TTC3: variants seen among roughly 807,000 people sequenced by gnomAD.
TTC3 encodes the protein tetratricopeptide repeat domain 3, also known as E3 ubiquitin-protein ligase TTC3.
In TTC3, 180 loss-of-function variants were observed where a neutral mutation model predicts 249.6. That is an observed-to-expected ratio of 0.72 (90% confidence interval 0.64 to 0.82). The LOEUF (loss-of-function observed/expected upper bound fraction) is 0.82, where lower values mean the gene tolerates loss of function less well. Ranked by LOEUF, TTC3 falls within the 40% of genes least tolerant of loss-of-function variation. The pLI, the probability that TTC3 is intolerant of heterozygous loss-of-function variation, is 0.00. For synonymous variants in TTC3, 717 were observed against 805.0 expected, an observed-to-expected ratio of 0.89 and a Z score of 1.85; for missense variants, 2,061 against 2,398.4, an observed-to-expected ratio of 0.86 and a Z score of 2.94.
At chr21:37,114,371 G>A (rs111338328) in intron 11 of TTC3, among the ~76,000 whole-genome samples, 5,938 of 152,154 alleles carry the variant, frequency 0.039, 332 homozygotes, top group African/African-American at 0.13. Flanking sequence ...AAAAGTGGGC[G>A]AAGGATATGA....
chr21:37,165,899 G>T lies in TTC3; in HGVS notation c.3685G>T (p.Ala1229Ser), dbSNP rs771714590. Residue 1229 changes from alanine to serine, a missense_variant, in exon 33 of 46, where the codon GCA (alanine) becomes TCA (serine). By Grantham distance (99) the Ala-to-Ser change is moderately conservative (BLOSUM62 1). This residue lies in a region of TTC3 where 1,040 missense variants were observed against 1,186.1 expected (regional missense o/e 0.88). Transcript: ENST00000355666. Reference sequence around the variant, plus strand: ...TAAACCAGTGTCAGATTCATCTTCAGCACCAGCTTTTGAAAATGTGAAACC... The same window carrying T: ...TAAACCAGTGTCAGATTCATCTTCATCACCAGCTTTTGAAAATGTGAAACC... 179 of 1,614,080 alleles carry T rather than the reference G, an allele frequency of 1.1e-4. No individual in the cohort carries two copies. The highest frequency in any genetic ancestry group is 1.5e-4 in the Non-Finnish European group (178 of 1,180,048).
chr21:37,197,476 C>G, intron 42 of TTC3, 94 bp from the exon 43 acceptor site: 1 of 1,459,232 alleles, frequency 6.9e-7, no homozygotes. Flanking sequence ...GTCTTTGTTT[C>G]TTTGGGTTGG....
chr21:37,200,258 A>G (rs76336018), exon 45 of TTC3: 1 of 1,614,226 alleles, frequency 6.2e-7, no homozygotes, highest in African/African-American at 1.3e-5. Flanking sequence ...CCTGTGAAAT[A>G]TGCCACGAGG....
chr21:37,099,406 G>T (rs943863652), intron 10 of TTC3, among the ~76,000 whole-genome samples: 1 of 152,178 alleles, frequency 6.6e-6, no homozygotes, highest in African/African-American at 2.4e-5. Flanking sequence ...GACACTAGGT[G>T]GATGTGATGG....
At chr21:37,153,731 A>G (rs2079713502) in intron 27 of TTC3, among the ~76,000 whole-genome samples, 1 of 152,136 alleles carries the variant, frequency 6.6e-6, no homozygotes, top group Admixed American at 6.5e-5. Context: ...ACTAGGCACA[A>G]CCATGGTAAA....
intron 19 of TTC3, among the ~76,000 whole-genome samples, chr21:37,139,867 A>G (rs983163260): frequency 6.6e-6 from 1 of 152,212 alleles, no homozygotes. Flanking sequence ...ATCAGAGGAC[A>G]GCCCTTGCTT....
intron 10 of TTC3, among the ~76,000 whole-genome samples, chr21:37,105,560 G>A (rs2075000616): frequency 6.6e-6 from 1 of 152,130 alleles, no homozygotes; most frequent in Admixed American, 6.5e-5. Flanking sequence ...CAAGTGTTAA[G>A]TGCAGCTGGA....
chr21:37,161,952 G>A (rs774565890), intron 30 of TTC3, 38 bp from the exon 31 acceptor site: 1 of 1,398,594 alleles, frequency 7.2e-7, no homozygotes, highest in Admixed American at 2.1e-5. Flanking sequence ...GAATTTTAAG[G>A]TAGAAAATCA....
intron 11 of TTC3, chr21:37,121,339 G>A (rs2076567749): frequency 6.5e-6 from 1 of 153,662 alleles, no homozygotes; most frequent in Non-Finnish European, 1.4e-5. Flanking sequence ...TGCACTCTTC[G>A]GAGGTATCGG....
exon 33 of TTC3, chr21:37,166,062 C>T: frequency 6.2e-7 from 1 of 1,614,208 alleles, no homozygotes; most frequent in Non-Finnish European, 8.5e-7. Flanking sequence ...AAACCAGGCT[C>T]TGAGGATGCA....
At chr21:37,133,505 A>G (rs537656219) in intron 17 of TTC3, among the ~76,000 whole-genome samples, 6 of 152,358 alleles carry the variant, frequency 3.9e-5, no homozygotes, top group African/African-American at 1.2e-4. Flanking sequence ...AAATACTTAA[A>G]TAGATGACAG....
chr21:37,073,455 C>A, intron 1 of TTC3: 1 of 986,634 alleles, frequency 1.0e-6, no homozygotes, highest in Non-Finnish European at 1.2e-6. Flanking sequence ...GCCTTCCACA[C>A]CCCCTCCGTG....
intron 11 of TTC3, among the ~76,000 whole-genome samples, chr21:37,114,375 G>C (rs999024481): frequency 6.6e-6 from 1 of 152,118 alleles, no homozygotes; most frequent in Non-Finnish European, 1.5e-5. Context: ...GTGGGCGAAG[G>C]ATATGAACAG....
chr21:37,196,941 G>C (rs1166463958), intron 42 of TTC3, among the ~76,000 whole-genome samples: 2 of 152,176 alleles, frequency 1.3e-5, no homozygotes, highest in Non-Finnish European at 2.9e-5. Flanking sequence ...TAGCGTTTCT[G>C]CCTCCACCTC....
chr21:37,119,228 C>T (rs982192784), intron 11 of TTC3, among the ~76,000 whole-genome samples: 2 of 151,872 alleles, frequency 1.3e-5, no homozygotes, highest in Non-Finnish European at 2.9e-5. Flanking sequence ...TTTTTTTAGG[C>T]GGGACTATAG....
At chr21:37,096,702 A>G in intron 10 of TTC3, 59 bp downstream of exon 10, 1 of 1,351,542 alleles carries the variant, frequency 7.4e-7, no homozygotes, top group Non-Finnish European at 1.0e-6. Flanking sequence ...CATTTTTGGG[A>G]AACGTTTCTG....
At chr21:37,150,030 C>A in intron 23 of TTC3, 48 bp from the exon 24 acceptor site, 1 of 1,358,666 alleles carries the variant, frequency 7.4e-7, no homozygotes, top group Non-Finnish European at 1.0e-6. Flanking sequence ...AGATTTATCC[C>A]CCCTAGACAT....
At chr21:37,190,889 G>A (rs925338013) in intron 39 of TTC3, among the ~76,000 whole-genome samples, 3 of 152,082 alleles carry the variant, frequency 2.0e-5, no homozygotes, top group African/African-American at 7.2e-5. Flanking sequence ...AGATTCATGA[G>A]GTGCTGAGAT....
chr21:37,077,627 T>C (rs1316295440), intron 1 of TTC3, among the ~76,000 whole-genome samples: 2 of 152,248 alleles, frequency 1.3e-5, no homozygotes, highest in African/African-American at 4.8e-5. Flanking sequence ...TATTTGCCAA[T>C]GGAATGGGTA....
Sources: gnomAD v4.1 joint callset for allele counts (sites outside exome capture counted in the v4.1 genomes callset) on GRCh38, gnomAD v4.1.1 for gene constraint, gnomAD v4.1.1 regional missense constraint, MANE v1.5 for transcripts, NCBI Gene and HGNC (gene_info 2026-07-23, HGNC 2026-07-21) for gene names.